The following PALD1 variants were observed in gnomAD, a reference collection of about 807,000 sequenced individuals.
PALD1 encodes the protein paladin.
A neutral mutation model predicts 96.0 loss-of-function variants in PALD1; 57 were observed. The observed-to-expected ratio is 0.59, with a 90% CI of 0.48 to 0.74. PALD1 has a LOEUF of 0.74. PALD1 is among the 30% of genes least tolerant of loss of function. The pLI is 0.00. For missense variants in PALD1, 1,063 were observed against 1,143.7 expected (o/e 0.93, Z 1.02); for synonymous variants, 464 against 473.6 (o/e 0.98, Z 0.26).
intron 7 of PALD1, 24 bp downstream of exon 7, chr10:70,533,094 G>T (rs1013900228): frequency 1.5e-5 from 23 of 1,556,120 alleles, no homozygotes; most frequent in Non-Finnish European, 1.7e-5. Context: ...GGGCGCGCAT[G>T]GGGGAGGAGT....
chr10:70,493,033 G>C (rs1352189753), intron 1 of PALD1, among the ~76,000 whole-genome samples: 1 of 152,146 alleles, frequency 6.6e-6, no homozygotes, highest in Non-Finnish European at 1.5e-5. Context: ...ATTTTTGTGG[G>C]TAATCGGTGC....
At position 70,531,412 on chromosome 10, in the gene PALD1, C is replaced by G. The variant is rs537492495; in HGVS notation, c.591C>G (p.Pro197=). Reference sequence around the variant, plus strand: ...ATGAGAACCTCCAGGGCCTTGGACCCGGGGTCCGGGTGGAGAGCCTGGAGC... The same window carrying G: ...ATGAGAACCTCCAGGGCCTTGGACCGGGGGTCCGGGTGGAGAGCCTGGAGC... ...NLHENLQGLG[P]GVRVESLELA... is the part of the protein sequence containing the mutation. The change falls in exon 5 of 20, where the codon CCC becomes CCG. Residue 197 remains proline (P), a synonymous_variant. Transcript: ENST00000263563. 6.2e-7 allele frequency: 1 copy of G among 1,614,030 alleles called. No homozygotes were observed. Among genetic ancestry groups the G allele is most frequent in the Admixed American group, 1.7e-5 (1 of 60,030 alleles).
chr10:70,539,741 C>T lies in PALD1; in HGVS notation c.1887C>T (p.Asp629=), dbSNP rs201525549. 130 of 1,611,572 alleles carry T rather than the reference C, an allele frequency of 8.1e-5. No homozygotes were observed. The African/African-American group carries it at 1.4e-3, about 18-fold the overall frequency. The change falls in exon 15 of 20, where the codon GAC becomes GAT. Residue 629 remains aspartate (D), a synonymous_variant. Transcript: ENST00000263563. This position sits in a 1 kb window ranked among gnomAD's most constrained non-coding sequence, Gnocchi z 4.5. ...CCTACCACCGCATCCCCATGCCGGACTTCTGTGCCCCCCGAGAGGAGGTGA... is the reference window on the plus strand; with the variant it reads ...CCTACCACCGCATCCCCATGCCGGATTTCTGTGCCCCCCGAGAGGAGGTGA... ...GLTYHRIPMP[D]FCAPREEDFD...
At chr10:70,482,567 A>T (rs1845952077) in intron 1 of PALD1, among the ~76,000 whole-genome samples, 1 of 152,164 alleles carries the variant, frequency 6.6e-6, no homozygotes, top group South Asian at 2.1e-4. Flanking sequence ...ACTGGCCTTT[A>T]TAATCCCTGA....
At chr10:70,496,058 C>T (rs1038404333) in intron 1 of PALD1, among the ~76,000 whole-genome samples, 1 of 148,512 alleles carries the variant, frequency 6.7e-6, no homozygotes, top group Non-Finnish European at 1.5e-5. Flanking sequence ...AACAACAAAA[C>T]CTGGTTAACC....
chr10:70,542,064 A>G (rs1847260740), intron 17 of PALD1, among the ~76,000 whole-genome samples: 1 of 152,094 alleles, frequency 6.6e-6, no homozygotes, highest in Non-Finnish European at 1.5e-5. Context: ...GAGTTGGCCC[A>G]TGGCTGACCC....
chr10:70,469,536 G>A, the PALD1 span, among the ~76,000 whole-genome samples: 10 of 152,240 alleles, frequency 6.6e-5, no homozygotes, highest in South Asian at 1.9e-3. Flanking sequence ...GTAGAGGTGA[G>A]CGGGCTGATA....
chr10:70,504,264 C>T (rs982672371), intron 1 of PALD1, among the ~76,000 whole-genome samples: 2 of 152,190 alleles, frequency 1.3e-5, no homozygotes, highest in Admixed American at 6.5e-5. Flanking sequence ...TGGTGGCTCA[C>T]GCCCGTAATC....
chr10:70,522,722 A>T (rs1179439815), intron 1 of PALD1, among the ~76,000 whole-genome samples: 1 of 152,134 alleles, frequency 6.6e-6, no homozygotes, highest in Non-Finnish European at 1.5e-5. Flanking sequence ...AGGTTTGAGC[A>T]CTAGGCACCC....
At chr10:70,529,756 C>G (rs1846953822) in intron 3 of PALD1, 133 bp from the exon 4 acceptor site, 1 of 691,008 alleles carries the variant, frequency 1.4e-6, no homozygotes, top group Non-Finnish European at 2.4e-6. Flanking sequence ...CTGCAGGCAA[C>G]TTGAGGGCAG....
chr10:70,542,328 TAC>T (rs1188898578), intron 17 of PALD1, among the ~76,000 whole-genome samples: 1 of 152,274 alleles, frequency 6.6e-6, no homozygotes, highest in African/African-American at 2.4e-5. Flanking sequence ...TTTTTAAATG[TAC>T]AGTTCAGTGG....
chr10:70,530,729 T>G (rs985340246), intron 4 of PALD1, among the ~76,000 whole-genome samples: 1 of 152,064 alleles, frequency 6.6e-6, no homozygotes, highest in Non-Finnish European at 1.5e-5. Context: ...TGAGACAGAA[T>G]GGGGTGGGGG....
At chr10:70,547,479 C>A in intron 18 of PALD1, 33 bp downstream of exon 18, 2 of 1,443,674 alleles carry the variant, frequency 1.4e-6, no homozygotes, top group Middle Eastern at 2.4e-4. Flanking sequence ...CCCACCCTGC[C>A]CCAGCCACCC....
chr10:70,534,212 C>A, intron 8 of PALD1, 139 bp downstream of exon 8: 1 of 1,088,106 alleles, frequency 9.2e-7, no homozygotes, highest in African/African-American at 1.6e-5. Flanking sequence ...CCTGGTTTGC[C>A]ACGAGACTTG....
chr10:70,466,690 T>C, the PALD1 span, among the ~76,000 whole-genome samples: 5 of 152,162 alleles, frequency 3.3e-5, no homozygotes, highest in Non-Finnish European at 7.3e-5. Context: ...GCTTTTAAAA[T>C]AGTGGTTTTT....
chr10:70,463,220 C>A, the PALD1 span, among the ~76,000 whole-genome samples: 1 of 152,242 alleles, frequency 6.6e-6, no homozygotes, highest in Admixed American at 6.5e-5. Flanking sequence ...CTGGCTAACA[C>A]GGTGAAAACC....
At chr10:70,551,014 A>C (rs1432693129) in intron 18 of PALD1, among the ~76,000 whole-genome samples, 3 of 152,148 alleles carry the variant, frequency 2.0e-5, no homozygotes, top group Non-Finnish European at 2.9e-5. Flanking sequence ...ATCATATGGT[A>C]ATTCTGTGTT....
chr10:70,564,245 C>A (rs1179154409), intron 18 of PALD1, 119 bp from the exon 19 acceptor site: 1 of 1,067,404 alleles, frequency 9.4e-7, no homozygotes, highest in Non-Finnish European at 1.3e-6. Flanking sequence ...GTGGAAGCAA[C>A]GCCCTCAGCT....
At chr10:70,463,142 C>T in the PALD1 span, among the ~76,000 whole-genome samples, 167 of 152,284 alleles carry the variant, frequency 1.1e-3, 2 homozygotes, top group Non-Finnish European at 1.5e-3. Flanking sequence ...TGGTGGCTCA[C>T]GCCTGTAATC....
Sources: gnomAD v4.1 joint callset for allele counts (sites outside exome capture counted in the v4.1 genomes callset) on GRCh38, gnomAD v4.1.1 for gene constraint, Gnocchi (gnomAD v3.1) non-coding constraint, MANE v1.5 for transcripts, NCBI Gene and HGNC (gene_info 2026-07-23, HGNC 2026-07-21) for gene names.